FAAH2: variants seen among roughly 807,000 people sequenced by gnomAD.
The protein encoded by FAAH2 is fatty-acid amide hydrolase 2.
FAAH2 carries 60 observed loss-of-function variants against 36.9 expected under a neutral mutation model. The observed-to-expected ratio is 1.63, with a 90% confidence interval of 1.32 to 2.02. The LOEUF is 2.02. FAAH2 is among the 30% of genes most tolerant of loss of function. The pLI, the probability that FAAH2 is intolerant of heterozygous loss-of-function variation, is 0.00. For synonymous variants in FAAH2, 214 were observed against 143.8 expected (o/e 1.49, Z -3.49); for missense variants, 689 against 397.5 (o/e 1.73, Z -6.23).
intron 5 of FAAH2, among the ~76,000 whole-genome samples, chrX:57,368,789 T>C (rs2054481885): frequency 9.0e-6 from 1 of 111,122 alleles, no homozygotes; most frequent in African/African-American, 3.3e-5. Flanking sequence ...GCATGGGTAT[T>C]AATATAGGGA....
intron 8 of FAAH2, among the ~76,000 whole-genome samples, chrX:57,433,528 A>C (rs1470419361): frequency 8.9e-6 from 1 of 112,310 alleles, no homozygotes; most frequent in Non-Finnish European, 1.9e-5. Context: ...TGGGATATAT[A>C]AGATGTTATG....
chrX:57,163,183 G>A, the FAAH2 span, among the ~76,000 whole-genome samples: 6 of 112,068 alleles, frequency 5.4e-5, no homozygotes, highest in African/African-American at 1.9e-4. Flanking sequence ...GGGGGTCAGG[G>A]GTCAGGGACC....
chrX:57,228,345 G>A, the FAAH2 span, among the ~76,000 whole-genome samples: 5 of 111,020 alleles, frequency 4.5e-5, no homozygotes, highest in African/African-American at 1.6e-4. Flanking sequence ...CCTGTGTTTC[G>A]CTGGGTTTGG....
chrX:57,379,646 C>T (rs1303424075), intron 6 of FAAH2, among the ~76,000 whole-genome samples: 1 of 109,539 alleles, frequency 9.1e-6, no homozygotes, highest in Non-Finnish European at 1.9e-5. Context: ...TTTTTAGCCC[C>T]TTATTCCCCT....
chrX:57,294,849 T>A (rs1180063869), intron 2 of FAAH2, among the ~76,000 whole-genome samples: 2 of 111,425 alleles, frequency 1.8e-5, no homozygotes, highest in African/African-American at 6.5e-5. Flanking sequence ...CACTTTTGTA[T>A]CATGAAGGGC....
intron 7 of FAAH2, among the ~76,000 whole-genome samples, chrX:57,424,111 G>A (rs1320237347): frequency 8.9e-6 from 1 of 111,823 alleles, no homozygotes; most frequent in Non-Finnish European, 1.9e-5. Context: ...GACTACAATT[G>A]GCATTTGAGA....
At chrX:57,471,740 T>C (rs1478449326) in intron 10 of FAAH2, among the ~76,000 whole-genome samples, 1 of 111,714 alleles carries the variant, frequency 9.0e-6, no homozygotes, top group Non-Finnish European at 1.9e-5. Context: ...TGGAAAAAAC[T>C]ACTTTAAAGT....
chrX:57,445,990 G>T (rs2056666225), intron 8 of FAAH2, among the ~76,000 whole-genome samples: 1 of 112,613 alleles, frequency 8.9e-6, no homozygotes, highest in Non-Finnish European at 1.9e-5. Flanking sequence ...CAGGACTGGA[G>T]TTCCTCCCAC....
intron 3 of FAAH2, among the ~76,000 whole-genome samples, chrX:57,319,486 G>A (rs1283104211): frequency 9.0e-6 from 1 of 111,606 alleles, no homozygotes; most frequent in African/African-American, 3.3e-5. Context: ...ACCTCTTCAA[G>A]GAGAACTACA....
At chrX:57,439,452 T>C (rs982633206) in intron 8 of FAAH2, among the ~76,000 whole-genome samples, 36 of 111,968 alleles carry the variant, frequency 3.2e-4, no homozygotes, top group African/African-American at 1.1e-3. Flanking sequence ...TGGGGTTGTT[T>C]GTTTTTTTCT....
chrX:57,141,957 C>T, the FAAH2 span, among the ~76,000 whole-genome samples: 17 of 110,126 alleles, frequency 1.5e-4, no homozygotes, highest in African/African-American at 5.6e-4. Context: ...CCTTGCCCCC[C>T]ACACCCCGGT....
At chrX:57,289,103 T>C (rs2051903193) in intron 1 of FAAH2, among the ~76,000 whole-genome samples, 1 of 112,243 alleles carries the variant, frequency 8.9e-6, no homozygotes, top group Non-Finnish European at 1.9e-5. Context: ...AATGACATTT[T>C]GAGGTACATA....
the FAAH2 span, among the ~76,000 whole-genome samples, chrX:57,255,490 C>T: frequency 4.5e-5 from 5 of 111,813 alleles, no homozygotes; most frequent in African/African-American, 1.6e-4. Flanking sequence ...AATTTTAGGC[C>T]AATATCCCTG....
chrX:57,223,979 A>G, the FAAH2 span, among the ~76,000 whole-genome samples: 1 of 111,680 alleles, frequency 9.0e-6, no homozygotes, highest in Non-Finnish European at 1.9e-5. Context: ...AGCTGGCTCT[A>G]AAAACTCACC....
At chrX:57,266,652 A>G in the FAAH2 span, among the ~76,000 whole-genome samples, 1 of 112,496 alleles carries the variant, frequency 8.9e-6, no homozygotes, top group East Asian at 2.8e-4. Flanking sequence ...CATGGGTTCC[A>G]CATACCCCAC....
At chrX:57,132,448 A>G in the FAAH2 span, among the ~76,000 whole-genome samples, 1 of 112,306 alleles carries the variant, frequency 8.9e-6, no homozygotes, top group Non-Finnish European at 1.9e-5. Flanking sequence ...TTCACTGGGA[A>G]TTGTTTTCTC....
Position 57,288,338 on chromosome X carries a change from C to CTTTTTTTTTTTTTTTTTT in FAAH2, c.192+1333_192+1350dup, listed in dbSNP as rs771871081. ...TAGCTCTGTGATCTTAAAAACATTT[C>CTTTTTTTTTTTTTTTTTT]TTTTTTTTTTTTTTTTTTTTTTTTT... is the stretch of plus-strand genomic sequence containing the variant. On this transcript the variant is annotated intron_variant, in intron 1 of 10. Coordinates refer to ENST00000374900, the MANE Select transcript of FAAH2 (RefSeq NM_174912.4). Among the ~76,000 whole-genome samples the CTTTTTTTTTTTTTTTTTT allele has an allele frequency of 1.1e-3, 44 of 40,351 alleles. 8 individuals are homozygous for CTTTTTTTTTTTTTTTTTT. Among genetic ancestry groups the CTTTTTTTTTTTTTTTTTT allele is most frequent in the African/African-American group, 6.0e-3 (44 of 7,304 alleles). 35.0% of individuals were successfully genotyped at this position (40,351 alleles called of 115,157 possible).
At chrX:57,288,338 C>CTTTTTTTTTTTTTTTTTTTT (rs771871081) in intron 1 of FAAH2, among the ~76,000 whole-genome samples, 2 of 40,349 alleles carry the variant, frequency 5.0e-5, no homozygotes, top group African/African-American at 2.7e-4. Context: ...AAAAACATTT[C>CTTTTTTTTTTTTTTTTTTTT]TTTTTTTTTT....
At chrX:57,433,743 C>T (rs977984151) in intron 8 of FAAH2, among the ~76,000 whole-genome samples, 4 of 112,308 alleles carry the variant, frequency 3.6e-5, no homozygotes, top group African/African-American at 9.7e-5. Flanking sequence ...TAATCATCCC[C>T]ACTTCTCTTG....
Sources: gnomAD v4.1 joint callset for allele counts (sites outside exome capture counted in the v4.1 genomes callset) on GRCh38, gnomAD v4.1.1 for gene constraint, MANE v1.5 for transcripts, NCBI Gene and HGNC (gene_info 2026-07-23, HGNC 2026-07-21) for gene names.